ZBTB20: variants seen among roughly 807,000 people sequenced by gnomAD.
ZBTB20 encodes zinc finger and BTB domain-containing protein 20.
Under a neutral mutation model 56.9 loss-of-function variants are expected in ZBTB20, and 9 were observed. That is an observed-to-expected ratio of 0.16 (90% confidence interval 0.10 to 0.28). The LOEUF (loss-of-function observed/expected upper bound fraction) is 0.28. Among genes scored for constraint, ZBTB20 ranks in the 10% least tolerant of loss-of-function variants. ZBTB20 has a pLI of 1.00. For missense variants in ZBTB20, 655 were observed against 1,003.0 expected (o/e 0.65, Z 4.69); for synonymous variants, 417 against 420.7 (o/e 0.99, Z 0.11).
At chr3:114,923,603 T>A (rs1192292477) in intron 3 of ZBTB20, among the ~76,000 whole-genome samples, 2 of 152,094 alleles carry the variant, frequency 1.3e-5, no homozygotes, top group Non-Finnish European at 2.9e-5. Flanking sequence ...ATTTTTAATT[T>A]AAAAATGTAA....
chr3:114,391,465 G>C (rs1446470189), intron 7 of ZBTB20, among the ~76,000 whole-genome samples: 1 of 152,162 alleles, frequency 6.6e-6, no homozygotes, highest in Non-Finnish European at 1.5e-5. Flanking sequence ...CATTTATGAA[G>C]CATTTCACAA....
intron 7 of ZBTB20, among the ~76,000 whole-genome samples, chr3:114,467,967 C>T (rs1214138886): frequency 3.9e-5 from 6 of 152,154 alleles, no homozygotes; most frequent in Non-Finnish European, 8.8e-5. Context: ...AAAAAGCTGA[C>T]GCCTTTGTGA....
At chr3:114,517,243 G>A (rs2046106429) in intron 6 of ZBTB20, among the ~76,000 whole-genome samples, 1 of 152,116 alleles carries the variant, frequency 6.6e-6, no homozygotes, top group South Asian at 2.1e-4. Context: ...TAGGCACAGA[G>A]GATAACATTA....
In ZBTB20 at chr3:114,316,893, G is replaced by C; in HGVS notation, c.*22112C>G. 1 of 210,464 alleles carries C rather than the reference G, an allele frequency of 4.8e-6. No homozygotes were observed. Among genetic ancestry groups the C allele is most frequent in the South Asian group, 6.4e-5 (1 of 15,728 alleles). 13.0% of individuals were successfully genotyped at this position (210,464 alleles called of 1,614,324 possible). A position where few individuals can be genotyped will look rare whatever the true frequency, so the allele number is the denominator to read the frequency against. ...GCAGCAGCAGCACCTTTATGAGAAG[G>C]TAGAGATAGAAAAGGAAGAAGGAAG... On this transcript the variant is annotated 3_prime_UTR_variant, in exon 12 of 12. Transcript: ENST00000675478.
chr3:114,805,079 T>TATGGAAAAGTTGCA (rs1399188050), intron 4 of ZBTB20, among the ~76,000 whole-genome samples: 1 of 151,924 alleles, frequency 6.6e-6, no homozygotes, highest in East Asian at 1.9e-4. Context: ...ATTTTAGAAT[T>TATGGAAAAGTTGCA]ATGGAAAAGT....
At chr3:114,440,332 G>A (rs186797090) in intron 7 of ZBTB20, among the ~76,000 whole-genome samples, 8 of 152,050 alleles carry the variant, frequency 5.3e-5, no homozygotes, top group South Asian at 4.1e-4. Context: ...GTCCTGTAAG[G>A]AAGGGTGGAG....
chr3:114,984,738 G>C (rs1275883038), intron 2 of ZBTB20, among the ~76,000 whole-genome samples: 1 of 151,908 alleles, frequency 6.6e-6, no homozygotes, highest in Admixed American at 6.6e-5. Context: ...GTTTAGAAAA[G>C]ACTAATCAAT....
intron 7 of ZBTB20, among the ~76,000 whole-genome samples, chr3:114,412,262 T>C (rs1483071122): frequency 6.6e-6 from 1 of 152,276 alleles, no homozygotes; most frequent in East Asian, 1.9e-4. Flanking sequence ...CATGAACAGT[T>C]ACCATAGAGT....
intron 4 of ZBTB20, among the ~76,000 whole-genome samples, chr3:114,814,584 A>G (rs952367628): frequency 6.6e-6 from 1 of 152,172 alleles, no homozygotes; most frequent in Non-Finnish European, 1.5e-5. Flanking sequence ...GTCTGAGACA[A>G]AGTAACATAT....
chr3:114,906,547 G>T (rs990037509), intron 3 of ZBTB20, among the ~76,000 whole-genome samples: 13 of 150,980 alleles, frequency 8.6e-5, no homozygotes, highest in African/African-American at 2.9e-4. Flanking sequence ...TATTTAAAAT[G>T]AGGGGGATTT....
intron 7 of ZBTB20, among the ~76,000 whole-genome samples, chr3:114,463,188 G>A (rs754003785): frequency 3.3e-5 from 5 of 152,182 alleles, no homozygotes; most frequent in African/African-American, 9.7e-5. Flanking sequence ...GATCAAAATG[G>A]ATGATGTATC....
intron 7 of ZBTB20, among the ~76,000 whole-genome samples, chr3:114,461,191 C>T (rs1203537924): frequency 6.6e-6 from 1 of 152,122 alleles, no homozygotes; most frequent in Admixed American, 6.5e-5. Flanking sequence ...AGTGAGTGCT[C>T]TCTTGCTAGA....
chr3:114,870,715 T>C (rs759914648), intron 4 of ZBTB20, among the ~76,000 whole-genome samples: 2 of 151,948 alleles, frequency 1.3e-5, no homozygotes, highest in African/African-American at 2.4e-5. Flanking sequence ...CTCAAGAAAA[T>C]ACCAAGAAGA....
chr3:114,918,907 G>A (rs2075847932), intron 3 of ZBTB20, among the ~76,000 whole-genome samples: 1 of 152,154 alleles, frequency 6.6e-6, no homozygotes, highest in Admixed American at 6.5e-5. Flanking sequence ...TGCATCCACT[G>A]GCTCCAAGCC....
chr3:114,787,615 C>A (rs2070652104), intron 5 of ZBTB20, among the ~76,000 whole-genome samples: 1 of 151,792 alleles, frequency 6.6e-6, no homozygotes, highest in Admixed American at 6.6e-5. Context: ...TGTGATGGAA[C>A]TCTTTCATAT....
intron 7 of ZBTB20, among the ~76,000 whole-genome samples, chr3:114,417,274 T>TG (rs1270284746): frequency 6.6e-6 from 1 of 152,052 alleles, no homozygotes; most frequent in South Asian, 2.1e-4. Flanking sequence ...AACACAAAAA[T>TG]GGCTGTTGCA....
chr3:114,789,090 G>T (rs1004576575), intron 5 of ZBTB20, among the ~76,000 whole-genome samples: 1 of 152,084 alleles, frequency 6.6e-6, no homozygotes, highest in African/African-American at 2.4e-5. Flanking sequence ...CATATCAGGG[G>T]ACCTTTCAAG....
intron 7 of ZBTB20, among the ~76,000 whole-genome samples, chr3:114,445,864 T>A (rs180880604): frequency 5.9e-5 from 9 of 152,330 alleles, no homozygotes; most frequent in Admixed American, 5.9e-4. Flanking sequence ...AGTCAAGGTA[T>A]TTTTAAAGAA....
intron 10 of ZBTB20, among the ~76,000 whole-genome samples, chr3:114,352,932 T>C (rs776471198): frequency 4.6e-5 from 7 of 152,230 alleles, no homozygotes; most frequent in African/African-American, 7.2e-5. Context: ...GCAACAGCTA[T>C]GTGGAGGCTG....
Sources: allele counts gnomAD v4.1 joint callset (sites outside exome capture counted in the v4.1 genomes callset), GRCh38; gene constraint gnomAD v4.1.1; transcripts MANE v1.5; gene names NCBI Gene and HGNC (gene_info 2026-07-23, HGNC 2026-07-21).